The following ARL15 variants were observed in gnomAD, a reference collection of about 807,000 sequenced individuals.
The protein encoded by ARL15 is ARF like GTPase 15, also known as ADP-ribosylation factor-like protein 15.
ARL15 carries 19 observed loss-of-function variants against 25.2 expected under a neutral mutation model. The ratio of observed to expected loss-of-function variants is 0.75; its 90% CI spans 0.53 to 1.10. ARL15 has a LOEUF of 1.10. Among genes scored for constraint, ARL15 ranks in the 50% least tolerant of loss-of-function variants. ARL15 has a pLI of 0.00. For synonymous variants in ARL15, 94 were observed against 86.8 expected (o/e 1.08, Z -0.46); for missense variants, 220 against 246.0 (o/e 0.89, Z 0.71).
At chr5:54,129,982 T>C (rs1753382898) in intron 3 of ARL15, among the ~76,000 whole-genome samples, 1 of 152,234 alleles carries the variant, frequency 6.6e-6, no homozygotes, top group Non-Finnish European at 1.5e-5. Flanking sequence ...CTCATGCCTA[T>C]AATCCCAGCA....
intron 1 of ARL15, among the ~76,000 whole-genome samples, chr5:54,187,338 G>T (rs1755269877): frequency 6.6e-6 from 1 of 152,168 alleles, no homozygotes; most frequent in Admixed American, 6.5e-5. Context: ...GCAATGGAAG[G>T]AGGGAACCCT....
intron 3 of ARL15, among the ~76,000 whole-genome samples, chr5:54,127,400 A>T (rs1753293534): frequency 1.3e-5 from 2 of 152,176 alleles, no homozygotes; most frequent in Admixed American, 6.5e-5. Flanking sequence ...CCAAATCATC[A>T]GTGAACTCCC....
At chr5:53,921,471 G>C (rs1745859423) in intron 4 of ARL15, among the ~76,000 whole-genome samples, 1 of 152,134 alleles carries the variant, frequency 6.6e-6, no homozygotes, top group South Asian at 2.1e-4. Context: ...AAATTAACAT[G>C]AACTAATTTT....
chr5:54,165,403 C>T (rs1412283784), intron 2 of ARL15, among the ~76,000 whole-genome samples: 2 of 151,838 alleles, frequency 1.3e-5, no homozygotes, highest in South Asian at 4.1e-4. Flanking sequence ...TGCTTATCTG[C>T]TAGCAATAAA....
intron 1 of ARL15, among the ~76,000 whole-genome samples, chr5:54,229,158 C>G (rs759301451): frequency 1.3e-5 from 2 of 152,160 alleles, no homozygotes; most frequent in Non-Finnish European, 2.9e-5. Flanking sequence ...GTGACATTTC[C>G]TTTACACTAG....
intron 1 of ARL15, among the ~76,000 whole-genome samples, chr5:54,238,720 G>A (rs374750605): frequency 3.3e-5 from 5 of 152,240 alleles, no homozygotes; most frequent in South Asian, 4.1e-4. Context: ...CAAATCACTC[G>A]CAAAGGAAAC....
chr5:54,123,212 T>C (rs1753143204), intron 3 of ARL15, among the ~76,000 whole-genome samples: 1 of 151,606 alleles, frequency 6.6e-6, no homozygotes, highest in African/African-American at 2.4e-5. Flanking sequence ...CGGGTTCAAG[T>C]GATTCTCCTG....
intron 4 of ARL15, among the ~76,000 whole-genome samples, chr5:53,984,645 C>T (rs1748229776): frequency 6.6e-6 from 1 of 152,088 alleles, no homozygotes; most frequent in South Asian, 2.1e-4. Context: ...CTGGTAATAA[C>T]TATTATTTAC....
chr5:53,898,825 G>A (rs1405334581), intron 4 of ARL15, among the ~76,000 whole-genome samples: 1 of 151,444 alleles, frequency 6.6e-6, no homozygotes, highest in Non-Finnish European at 1.5e-5. Context: ...GCTAATTTTT[G>A]TATTTTTTTG....
intron 4 of ARL15, among the ~76,000 whole-genome samples, chr5:54,043,863 A>G (rs1389494576): frequency 6.9e-6 from 1 of 145,632 alleles, no homozygotes. Context: ...AAAAAAAAAA[A>G]TTAGCCAGGT....
chr5:53,891,221 G>A (rs1436574198), intron 4 of ARL15, among the ~76,000 whole-genome samples: 3 of 152,118 alleles, frequency 2.0e-5, no homozygotes, highest in Non-Finnish European at 4.4e-5. Context: ...TTTCCTGTAA[G>A]CATTCTGGGG....
chr5:54,168,862 T>C (rs1754647450), intron 2 of ARL15, among the ~76,000 whole-genome samples: 2 of 152,242 alleles, frequency 1.3e-5, no homozygotes, highest in South Asian at 4.2e-4. Flanking sequence ...TCACATTCTG[T>C]CTTAGCACAG....
intron 1 of ARL15, among the ~76,000 whole-genome samples, chr5:54,181,964 T>C (rs1755070883): frequency 2.2e-5 from 2 of 89,860 alleles, no homozygotes; most frequent in African/African-American, 9.7e-5. Flanking sequence ...GAAGTGTCTG[T>C]TCATGTCCTT....
chr5:54,293,357 T>TAAA (rs1378013977), intron 1 of ARL15, among the ~76,000 whole-genome samples: 3 of 152,080 alleles, frequency 2.0e-5, no homozygotes, highest in Admixed American at 2.0e-4. Flanking sequence ...ATAATAATAA[T>TAAA]AAACGTGTAA....
Position 54,204,261 on chromosome 5 carries a change from T to C in ARL15, c.49-32333A>G, listed in dbSNP as rs571026902. ...GAACTTTTCCATCCATGAAGACACA[T>C]GATGAAAAACAAATCACATATAACT... On this transcript the variant is annotated intron_variant, in intron 1 of 4. Coordinates refer to ENST00000504924, the MANE Select transcript of ARL15 (RefSeq NM_019087.3). Among the ~76,000 whole-genome samples, 30 of 152,302 alleles carry C rather than the reference T, an allele frequency of 2.0e-4. No individual in the cohort carries two copies. In the East Asian group the frequency reaches 3.9e-3, roughly 20 times the overall value.
chr5:54,005,975 A>G (rs7701922), intron 4 of ARL15, among the ~76,000 whole-genome samples: 41,086 of 147,310 alleles, frequency 0.28, 5,885 homozygotes, highest in East Asian at 0.46. Flanking sequence ...GCTTGAACCC[A>G]GGAGGTGGAG....
chr5:54,282,346 A>G (rs1421267941), intron 1 of ARL15: 5 of 985,314 alleles, frequency 5.1e-6, no homozygotes, highest in South Asian at 9.4e-5. Flanking sequence ...TTAAAATAAG[A>G]ATAAGAGAAT....
intron 1 of ARL15, among the ~76,000 whole-genome samples, chr5:54,197,762 T>C (rs972918205): frequency 5.9e-5 from 9 of 151,784 alleles, no homozygotes; most frequent in Non-Finnish European, 7.4e-5. Flanking sequence ...TTCCAATCAA[T>C]AGAAAAAGAG....
intron 4 of ARL15, among the ~76,000 whole-genome samples, chr5:54,108,309 ATC>A (rs1208154604): frequency 6.6e-6 from 1 of 152,150 alleles, no homozygotes; most frequent in Non-Finnish European, 1.5e-5. Context: ...AACAGTTTGT[ATC>A]TCTCATACCA....
Sources: allele counts gnomAD v4.1 joint callset (sites outside exome capture counted in the v4.1 genomes callset), GRCh38; gene constraint gnomAD v4.1.1; transcripts MANE v1.5; gene names NCBI Gene and HGNC (gene_info 2026-07-23, HGNC 2026-07-21).